ABI2: variants seen among roughly 807,000 people sequenced by gnomAD.
ABI2 encodes abelson interactor 2.
ABI2 carries 25 observed loss-of-function variants against 59.2 expected under a neutral mutation model. The observed-to-expected ratio is 0.42, with a 90% CI of 0.31 to 0.59. ABI2 has a LOEUF of 0.59. ABI2 is among the 20% of genes least tolerant of loss of function. The pLI, the probability that ABI2 is intolerant of heterozygous loss-of-function variation, is 0.14. For synonymous variants in ABI2, 213 were observed against 235.5 expected, an observed-to-expected ratio of 0.90 and a Z score of 0.87; for missense variants, 545 against 681.8, an observed-to-expected ratio of 0.80 and a Z score of 2.23.
chr2:203,347,164 G>A (rs2084183962), intron 1 of ABI2, among the ~76,000 whole-genome samples: 1 of 152,122 alleles, frequency 6.6e-6, no homozygotes. Flanking sequence ...ACAGGGTAAG[G>A]AGTGATCATA....
At chr2:203,396,532 G>C (rs1221486864) in intron 7 of ABI2, among the ~76,000 whole-genome samples, 1 of 152,124 alleles carries the variant, frequency 6.6e-6, no homozygotes, top group African/African-American at 2.4e-5. Flanking sequence ...TTCTTCTGGA[G>C]TAGTGCTTTC....
chr2:203,413,547 G>A (rs986283260), intron 10 of ABI2, among the ~76,000 whole-genome samples: 5 of 151,926 alleles, frequency 3.3e-5, no homozygotes, highest in African/African-American at 4.8e-5. Context: ...CTTTTGGATT[G>A]GTCTTTTTCA....
intron 11 of ABI2, among the ~76,000 whole-genome samples, chr2:203,421,841 G>A (rs1358169863): frequency 1.3e-5 from 2 of 151,956 alleles, no homozygotes; most frequent in African/African-American, 4.8e-5. Context: ...GTGCACGCCT[G>A]TAGTCCCAGC....
chr2:203,402,461 C>A (rs1266358671), intron 8 of ABI2, 115 bp from the exon 9 acceptor site: 2 of 728,612 alleles, frequency 2.7e-6, no homozygotes, highest in African/African-American at 1.8e-5. Flanking sequence ...TTTCAGATAC[C>A]AGTTAAACTA....
intron 11 of ABI2, among the ~76,000 whole-genome samples, chr2:203,422,010 A>C (rs1343652659): frequency 2.0e-5 from 3 of 151,356 alleles, no homozygotes; most frequent in African/African-American, 7.3e-5. Flanking sequence ...AGTTGCATGT[A>C]GTGGCTCACA....
At chr2:203,379,427 C>T (rs913325404) in intron 2 of ABI2, among the ~76,000 whole-genome samples, 1 of 152,010 alleles carries the variant, frequency 6.6e-6, no homozygotes. Flanking sequence ...TTTGTAGAGA[C>T]GGGGTTTCGC....
At chr2:203,387,282 A>T (rs898058876) in intron 4 of ABI2, among the ~76,000 whole-genome samples, 5 of 152,176 alleles carry the variant, frequency 3.3e-5, no homozygotes, top group Admixed American at 1.3e-4. Context: ...AATGAATATT[A>T]TATCAGTATT....
intron 9 of ABI2, among the ~76,000 whole-genome samples, chr2:203,408,884 T>C (rs1486804256): frequency 1.6e-4 from 18 of 114,492 alleles, no homozygotes; most frequent in African/African-American, 5.5e-4. Context: ...CAGGTCGGAC[T>C]GCGGACTGCA....
chr2:203,409,130 G>T (rs1443176410), intron 9 of ABI2, among the ~76,000 whole-genome samples: 1 of 151,972 alleles, frequency 6.6e-6, no homozygotes, highest in African/African-American at 2.4e-5. Context: ...GAGCCACCGC[G>T]CCCGGCCCAA....
chr2:203,393,784 A>G (rs557902277), intron 5 of ABI2, among the ~76,000 whole-genome samples: 1 of 152,172 alleles, frequency 6.6e-6, no homozygotes, highest in East Asian at 1.9e-4. Context: ...TTAGTGACCA[A>G]GATCTCATCT....
Position 203,376,279 on chromosome 2 carries a change from T to A in ABI2, c.286-3929T>A, listed in dbSNP as rs146717749. On this transcript the variant is annotated intron_variant, in intron 2 of 11. Transcript: ENST00000261018. ...GGAGTGCTACAGTTATCTACCTGGA[T>A]GCTTTTCTATATTCTGCAATCCTCA... is the stretch of plus-strand genomic sequence containing the variant. 3.1e-4 allele frequency: 181 copies of A among 577,156 alleles called. 1 individual carries two copies. The highest frequency in any genetic ancestry group is 1.9e-3 in the East Asian group (63 of 33,980). 35.8% of individuals were successfully genotyped at this position (577,156 alleles called of 1,614,324 possible).
At chr2:203,421,196 A>C (rs1415654339) in intron 11 of ABI2, among the ~76,000 whole-genome samples, 7 of 152,258 alleles carry the variant, frequency 4.6e-5, no homozygotes, top group Middle Eastern at 6.8e-3. Context: ...GAGGAAAAGT[A>C]GGAGTTGTAA....
At chr2:203,331,622 A>G (rs894289860) in intron 1 of ABI2, among the ~76,000 whole-genome samples, 1 of 151,600 alleles carries the variant, frequency 6.6e-6, no homozygotes, top group Admixed American at 6.6e-5. Flanking sequence ...GCCTCCCCAA[A>G]GTGTTGGGAT....
At chr2:203,342,648 C>T (rs1222282556) in intron 1 of ABI2, among the ~76,000 whole-genome samples, 1 of 151,652 alleles carries the variant, frequency 6.6e-6, no homozygotes, top group Non-Finnish European at 1.5e-5. Flanking sequence ...GGCGTGATCT[C>T]AGCTCACTGC....
rs200999049 is a variant in ABI2 at position 203,406,671 on chromosome 2, ATT to A, written c.1192+3945_1192+3946del. Among the ~76,000 whole-genome samples the A allele has an allele frequency of 5.3e-5, 8 of 151,778 alleles. No homozygotes were observed. In the East Asian group the frequency reaches 1.5e-3, roughly 29 times the overall value. On this transcript the variant is annotated intron_variant, in intron 9 of 11. Transcript: ENST00000261018. ...ATAAATAAAGAGCAGGAGCAGGAAG[ATT>A]TTTTTTTCTCCCCAAAGTCTTGCTT...
At chr2:203,415,000 T>G (rs2097833908) in intron 10 of ABI2, among the ~76,000 whole-genome samples, 1 of 152,242 alleles carries the variant, frequency 6.6e-6, no homozygotes, top group South Asian at 2.1e-4. Flanking sequence ...TGAGTAATTT[T>G]GTAGTGTCAT....
At chr2:203,398,824 G>T (rs1378412890) in intron 8 of ABI2, among the ~76,000 whole-genome samples, 1 of 151,328 alleles carries the variant, frequency 6.6e-6, no homozygotes, top group Non-Finnish European at 1.5e-5. Context: ...TTTTTGATCT[G>T]TTTTTTTTGG....
At chr2:203,351,046 G>A (rs992496532) in intron 1 of ABI2, among the ~76,000 whole-genome samples, 2 of 152,048 alleles carry the variant, frequency 1.3e-5, no homozygotes, top group African/African-American at 4.8e-5. Context: ...TAAAGTAGGG[G>A]TTCATATTTA....
At chr2:203,345,096 T>A (rs958657863) in intron 1 of ABI2, among the ~76,000 whole-genome samples, 1 of 152,166 alleles carries the variant, frequency 6.6e-6, no homozygotes, top group African/African-American at 2.4e-5. Flanking sequence ...CTTCTTAGGC[T>A]CTTCCCCAGT....
Sources: allele counts gnomAD v4.1 joint callset (sites outside exome capture counted in the v4.1 genomes callset), GRCh38; gene constraint gnomAD v4.1.1; transcripts MANE v1.5; gene names NCBI Gene and HGNC (gene_info 2026-07-23, HGNC 2026-07-21).